Variants in EHD4 observed in about 807,000 individuals in gnomAD.
EHD4 encodes EH domain-containing protein 4.
In EHD4, 37 loss-of-function variants were observed where a neutral mutation model predicts 51.0. The ratio of observed to expected loss-of-function variants is 0.73; its 90% CI spans 0.56 to 0.95. The LOEUF (loss-of-function observed/expected upper bound fraction) is 0.95, where lower values mean the gene tolerates loss of function less well. Ranked by LOEUF, EHD4 falls within the 40% of genes least tolerant of loss-of-function variation. The pLI, the probability that EHD4 is intolerant of heterozygous loss-of-function variation, is 0.00. For missense variants in EHD4, 632 were observed against 733.1 expected (o/e 0.86, Z 1.59); for synonymous variants, 297 against 317.3 (o/e 0.94, Z 0.68).
intron 3 of EHD4, among the ~76,000 whole-genome samples, chr15:41,929,940 C>G (rs1044110956): frequency 3.3e-5 from 5 of 152,188 alleles, no homozygotes; most frequent in Non-Finnish European, 7.3e-5. Context: ...TACAGGAATA[C>G]TGAATGAACA....
chr15:41,931,219 G>T (rs2140994046), intron 3 of EHD4, among the ~76,000 whole-genome samples: 1 of 152,108 alleles, frequency 6.6e-6, no homozygotes, highest in South Asian at 2.1e-4. Flanking sequence ...TTTGAAATAT[G>T]TATACACTGA....
chr15:41,970,119 T>C (rs2067986520), intron 1 of EHD4, among the ~76,000 whole-genome samples: 1 of 152,164 alleles, frequency 6.6e-6, no homozygotes, highest in Non-Finnish European at 1.5e-5. Flanking sequence ...AGTTCACAAG[T>C]CTCCAGGGTA....
chr15:41,916,435 C>T (rs117156039), intron 4 of EHD4, among the ~76,000 whole-genome samples: 280 of 152,244 alleles, frequency 1.8e-3, no homozygotes, highest in Admixed American at 7.1e-3. Flanking sequence ...GACAAAAATG[C>T]CCAACTGTGT....
chr15:41,923,684 C>T (rs190243942), intron 3 of EHD4, among the ~76,000 whole-genome samples: 1 of 152,322 alleles, frequency 6.6e-6, no homozygotes, highest in East Asian at 1.9e-4. Flanking sequence ...GGAAATTGTA[C>T]AGATAGGTTT....
chr15:41,929,330 A>G (rs1265601959), intron 3 of EHD4, among the ~76,000 whole-genome samples: 2 of 152,186 alleles, frequency 1.3e-5, no homozygotes, highest in East Asian at 3.9e-4. Context: ...ACAATAACAG[A>G]TGGGTGAGCC....
chr15:41,947,260 T>TAGGG (rs1325954871), intron 2 of EHD4, among the ~76,000 whole-genome samples: 2 of 152,204 alleles, frequency 1.3e-5, no homozygotes, highest in African/African-American at 4.8e-5. Flanking sequence ...CCCTGGAACT[T>TAGGG]GCCCCTAAGA....
chr15:41,972,133 G>T, intron 1 of EHD4, 126 bp downstream of exon 1: 1 of 1,020,898 alleles, frequency 9.8e-7, no homozygotes, highest in Non-Finnish European at 1.2e-6. Flanking sequence ...ACCGGGCGCC[G>T]AGCTCCGGGA....
intron 2 of EHD4, among the ~76,000 whole-genome samples, chr15:41,943,524 T>C (rs546641712): frequency 2.6e-5 from 4 of 152,206 alleles, no homozygotes; most frequent in Non-Finnish European, 5.9e-5. Context: ...CATATTGACC[T>C]CATGAGGTGA....
intron 1 of EHD4, among the ~76,000 whole-genome samples, chr15:41,963,889 T>C (rs1046845242): frequency 2.0e-5 from 3 of 152,076 alleles, no homozygotes; most frequent in African/African-American, 7.2e-5. Flanking sequence ...CTCATGCCTA[T>C]AATCCCAGCA....
chr15:41,916,938 C>A (rs1345277511), intron 4 of EHD4, among the ~76,000 whole-genome samples: 3 of 152,216 alleles, frequency 2.0e-5, no homozygotes, highest in East Asian at 3.8e-4. Flanking sequence ...CCTGCATCCA[C>A]ACAAGGGTTT....
At chr15:41,927,347 C>A (rs940450508) in intron 3 of EHD4, among the ~76,000 whole-genome samples, 3 of 152,230 alleles carry the variant, frequency 2.0e-5, no homozygotes, top group Non-Finnish European at 2.9e-5. Context: ...GATATCTGCA[C>A]ACCCATGTTC....
chr15:41,939,726 C>T (rs547696182), intron 3 of EHD4, among the ~76,000 whole-genome samples: 20 of 141,528 alleles, frequency 1.4e-4, no homozygotes, highest in African/African-American at 4.0e-4. Flanking sequence ...CTTGATCCTG[C>T]GAGGCAGAGG....
At chr15:41,922,386 A>AAAAAC (rs1027964340) in intron 3 of EHD4, among the ~76,000 whole-genome samples, 20 of 152,322 alleles carry the variant, frequency 1.3e-4, no homozygotes, top group East Asian at 1.2e-3. Flanking sequence ...ACCCTGTCAC[A>AAAAAC]AAAACAAAAC....
chr15:41,953,254 G>A (rs2067864905), intron 2 of EHD4, among the ~76,000 whole-genome samples: 1 of 152,174 alleles, frequency 6.6e-6, no homozygotes, highest in Admixed American at 6.5e-5. Flanking sequence ...CCTGAGAGGT[G>A]TCTGTCTAAC....
intron 3 of EHD4, among the ~76,000 whole-genome samples, chr15:41,924,195 G>T (rs1004699798): frequency 6.6e-6 from 1 of 152,032 alleles, no homozygotes; most frequent in East Asian, 1.9e-4. Flanking sequence ...CTTCACACAG[G>T]GTATTAAAAT....
At chr15:41,937,939 G>A (rs1387485855) in intron 3 of EHD4, among the ~76,000 whole-genome samples, 1 of 152,182 alleles carries the variant, frequency 6.6e-6, no homozygotes, top group Non-Finnish European at 1.5e-5. Context: ...GGGAATATCT[G>A]CACATACATA....
At chr15:41,951,722 T>C (rs2067853631) in intron 2 of EHD4, among the ~76,000 whole-genome samples, 1 of 152,130 alleles carries the variant, frequency 6.6e-6, no homozygotes, top group Non-Finnish European at 1.5e-5. Context: ...TGGGGCCTCC[T>C]GTTCTGGTCT....
At chr15:41,955,252 A>AGGTG (rs2042593823) in intron 1 of EHD4, among the ~76,000 whole-genome samples, 1 of 151,814 alleles carries the variant, frequency 6.6e-6, no homozygotes, top group Admixed American at 6.5e-5. Context: ...TTTTATTTAC[A>AGGTG]GGTGGGAAAA....
chr15:41,945,480 A>G (rs956332562), intron 2 of EHD4, among the ~76,000 whole-genome samples: 1 of 152,130 alleles, frequency 6.6e-6, no homozygotes, highest in Non-Finnish European at 1.5e-5. Flanking sequence ...AGGATGGCTG[A>G]AAAAGAGAGG....
Sources: gnomAD v4.1 joint callset for allele counts (sites outside exome capture counted in the v4.1 genomes callset) on GRCh38, gnomAD v4.1.1 for gene constraint, MANE v1.5 for transcripts, NCBI Gene and HGNC (gene_info 2026-07-23, HGNC 2026-07-21) for gene names.